The following MAGEB6 variants were observed in gnomAD, a reference collection of about 807,000 sequenced individuals.
MAGEB6 encodes MAGE family member B6.
For synonymous variants in MAGEB6, 128 were observed against 136.2 expected (o/e 0.94, Z 0.42); for missense variants, 327 against 329.7 (o/e 0.99, Z 0.06).
At position 26,193,878 on chromosome X, in the gene MAGEB6, C is replaced by T. The variant is rs767268005; in HGVS notation, c.32C>T (p.Thr11Ile). 2 of 1,183,851 alleles carry T rather than the reference C, an allele frequency of 1.7e-6. No individual in the cohort carries two copies. The highest frequency in any genetic ancestry group is 2.3e-6 in the Non-Finnish European group (2 of 881,080). The part of the protein sequence containing the change: MPRGHKSKLR[T>I]CEKRQETNGQ... Reference sequence around the variant, plus strand: ...CGGGGTCACAAGAGTAAGCTCCGTACCTGTGAGAAACGCCAAGAGACCAAT... The same window carrying T: ...CGGGGTCACAAGAGTAAGCTCCGTATCTGTGAGAAACGCCAAGAGACCAAT... Residue 11 changes from threonine to isoleucine, a missense_variant, in exon 2 of 2, where the codon ACC becomes ATC. By Grantham distance (89) the Thr-to-Ile change is moderately conservative. Transcript: ENST00000379034.
chrX:26,194,386 C>T lies in MAGEB6; in HGVS notation c.540C>T (p.Ala180=). The T allele has an allele frequency of 1.7e-6, 2 of 1,211,883 alleles. No homozygotes were observed. Among genetic ancestry groups the T allele is most frequent in the East Asian group, 3.0e-5 (1 of 33,831 alleles). ...GTGAAGATGAGGAAAGTGTAAGCGC[C>T]TCACAGAAAGCCATCATTTTTAAGC... ...AEGEDEESVS[A]SQKAIIFKRL... Residue 180 remains alanine, a synonymous_variant, in exon 2 of 2, where the codon GCC becomes GCT. Coordinates refer to ENST00000379034, the MANE Select transcript of MAGEB6 (RefSeq NM_173523.2).
At chrX:26,192,977 T>G (rs1309600550) in intron 1 of MAGEB6, among the ~76,000 whole-genome samples, 2 of 110,630 alleles carry the variant, frequency 1.8e-5, no homozygotes, top group African/African-American at 6.6e-5. Flanking sequence ...ATTTCCAGGT[T>G]GTGGGAAGAG....
At position 26,195,575 on chromosome X, in the gene MAGEB6, T is replaced by G. The variant is rs1358571758; in HGVS notation, c.*505T>G. 8.0e-6 allele frequency: 1 copy of G among 125,424 alleles called. No individual in the cohort carries two copies. The highest frequency in any genetic ancestry group is 9.2e-5 in the Admixed American group (1 of 10,885). The allele number at this position is 125,424 out of a possible 1,213,427, so 10.3% of individuals were successfully genotyped here. ...AAACAGAAATGTAAAAGTTGTTTAA[T>G]TCTTGGTTTGCCTAATTCGTTTTCC... On this transcript the variant is annotated 3_prime_UTR_variant, in exon 2 of 2. Coordinates refer to ENST00000379034, the MANE Select transcript of MAGEB6 (RefSeq NM_173523.2).
In MAGEB6 at chrX:26,194,474, T is replaced by G; in HGVS notation, c.628T>G (p.Phe210Val). ...GTTGGCGCAATTCCTGCAGAAGAAGTTTGAGAAGAAAGAGTCCATTTTGAA... is the reference window on the plus strand; with the variant it reads ...GTTGGCGCAATTCCTGCAGAAGAAGGTTGAGAAGAAAGAGTCCATTTTGAA... ...CTLAQFLQKK[F>V]EKKESILKAD... The change falls in exon 2 of 2, where the codon TTT (phenylalanine) becomes GTT (valine). Residue 210 changes from phenylalanine (F) to valine (V), a missense_variant. Phe to Val is a conservative substitution (Grantham distance 50, BLOSUM62 -1). Coordinates refer to ENST00000379034, the MANE Select transcript of MAGEB6 (RefSeq NM_173523.2). 2 of 1,211,731 alleles carry G rather than the reference T, an allele frequency of 1.7e-6. No individual in the cohort carries two copies. The highest frequency in any genetic ancestry group is 2.2e-6 in the Non-Finnish European group (2 of 895,509).
chrX:26,194,579 G>T lies in MAGEB6; in HGVS notation c.733G>T (p.Val245Leu). 1 of 1,211,748 alleles carries T rather than the reference G, an allele frequency of 8.3e-7. No individual in the cohort carries two copies. Among genetic ancestry groups the T allele is most frequent in the Non-Finnish European group, 1.1e-6 (1 of 895,519 alleles). The change falls in exon 2 of 2, where the codon GTG becomes TTG. Residue 245 changes from valine (V) to leucine (L), a missense_variant. Val to Leu is a conservative substitution (Grantham distance 32, BLOSUM62 1). Coordinates refer to ENST00000379034, the MANE Select transcript of MAGEB6 (RefSeq NM_173523.2). ...QILNRTSQHL[V>L]VAFGVELKEM... ...CCTCAACAGAACCTCCCAACATTTG[G>T]TGGTGGCCTTTGGCGTTGAATTGAA... is the stretch of plus-strand genomic sequence containing the variant.
intron 1 of MAGEB6, 36 bp from the exon 2 acceptor site, chrX:26,193,750 G>A: frequency 1.0e-6 from 1 of 989,048 alleles, no homozygotes; most frequent in Non-Finnish European, 1.4e-6. Flanking sequence ...GCTCTCTGCT[G>A]AAGATATTGA....
chrX:26,194,894 A>G lies in MAGEB6; in HGVS notation c.1048A>G (p.Ser350Gly), dbSNP rs764965014. The change falls in exon 2 of 2, where the codon AGT becomes GGT. Residue 350 changes from serine (S) to glycine (G), a missense_variant. Physicochemically the swap from Ser to Gly is moderately conservative, Grantham distance 56 (BLOSUM62 0). Transcript: ENST00000379034. The part of the protein sequence containing the change: ...KYVVYRQVCN[S>G]DPPCYEFLWG... ...CGTGGTTTACCGGCAGGTGTGCAAC[A>G]GTGATCCTCCATGCTATGAGTTCCT... 3.4e-5 allele frequency: 41 copies of G among 1,209,880 alleles called. No homozygotes were observed. The highest frequency in any genetic ancestry group is 4.1e-5 in the Non-Finnish European group (37 of 895,220).
rs1212268215 is a variant in MAGEB6, at chrX:26,194,062, T to G, written c.216T>G (p.Ser72=). Reference sequence around the variant, plus strand: ...CTCAGGGAGTGTCACCCACTGGGTCTCCTGATGCAGTTGTTTCATATTCAA... The same window carrying G: ...CTCAGGGAGTGTCACCCACTGGGTCGCCTGATGCAGTTGTTTCATATTCAA... ...QESQGVSPTG[S]PDAVVSYSKS... Residue 72 remains serine, a synonymous_variant, in exon 2 of 2, where the codon TCT becomes TCG. Transcript: ENST00000379034. 6 of 1,211,613 alleles carry G rather than the reference T, an allele frequency of 5.0e-6. No homozygotes were observed. The South Asian group carries it at 8.8e-5, about 18-fold the overall frequency.
Position 26,193,923 on chromosome X carries a change from C to T in MAGEB6, c.77C>T (p.Thr26Met), listed in dbSNP as rs1726653027. The T allele has an allele frequency of 4.2e-6, 5 of 1,204,273 alleles. No homozygotes were observed. Among genetic ancestry groups the T allele is most frequent in the African/African-American group, 1.8e-5 (1 of 56,794 alleles). ...QETNGQPQGLTGPQATAEKQE... is the reference protein window; with the variant it reads ...QETNGQPQGLMGPQATAEKQE... ...ACCAATGGTCAGCCACAGGGTCTCA[C>T]GGGTCCCCAGGCCACTGCAGAGAAG... Residue 26 changes from threonine (T) to methionine (M), a missense_variant, in exon 2 of 2, where the codon ACG (threonine) becomes ATG (methionine). By Grantham distance (81) the Thr-to-Met change is moderately conservative (BLOSUM62 -1). Coordinates refer to ENST00000379034, the MANE Select transcript of MAGEB6 (RefSeq NM_173523.2).
rs770266030 is a variant in MAGEB6, at chrX:26,193,767, G to A, written c.-61-19G>A. On this transcript the variant is annotated intron_variant, in intron 1 of 1. Transcript: ENST00000379034. Reference sequence around the variant, plus strand: ...TCTCTGCTGAAGATATTGACGTGACGTCACTCTCTCCCATCCAGGTGCCAG... The same window carrying A: ...TCTCTGCTGAAGATATTGACGTGACATCACTCTCTCCCATCCAGGTGCCAG... 439 of 1,051,553 alleles carry A rather than the reference G, an allele frequency of 4.2e-4. No individual in the cohort carries two copies. The highest frequency in any genetic ancestry group is 5.3e-4 in the Non-Finnish European group (415 of 788,163). 86.7% of individuals were successfully genotyped at this position (1,051,553 alleles called of 1,213,427 possible). A position where few individuals can be genotyped will look rare whatever the true frequency, so the allele number is the denominator to read the frequency against.
chrX:26,193,060 G>A (rs1344319620), intron 1 of MAGEB6, among the ~76,000 whole-genome samples: 1 of 111,104 alleles, frequency 9.0e-6, no homozygotes, highest in Non-Finnish European at 1.9e-5. Flanking sequence ...TGCCTCCGCT[G>A]TTGTCAGCCC....
Position 26,192,457 on chromosome X carries a change from C to T in MAGEB6, c.-132C>T, listed in dbSNP as rs1263993044. On this transcript the variant is annotated 5_prime_UTR_variant, in exon 1 of 2. Coordinates refer to ENST00000379034, the MANE Select transcript of MAGEB6 (RefSeq NM_173523.2). ...TTCCACCTAATAAAGGGGTCTGAGC[C>T]GGTCGCCTGAGCCTGAAAAGTGCTG... The T allele has an allele frequency of 1.8e-5, 2 of 110,522 alleles. No individual in the cohort carries two copies. The highest frequency in any genetic ancestry group is 4.0e-4 in the South Asian group (1 of 2,484). The allele number at this position is 110,522 out of a possible 1,213,427, so 9.1% of individuals were successfully genotyped here. A position where few individuals can be genotyped will look rare whatever the true frequency, so the allele number is the denominator to read the frequency against.
rs1402279073 is a variant in MAGEB6 at position 26,195,583 on chromosome X, T to G, written c.*513T>G. On this transcript the variant is annotated 3_prime_UTR_variant, in exon 2 of 2. Transcript: ENST00000379034. The stretch of plus-strand genomic sequence containing the variant: ...ATGTAAAAGTTGTTTAATTCTTGGT[T>G]TGCCTAATTCGTTTTCCTATTTCTT... The G allele has an allele frequency of 8.0e-6, 1 of 125,217 alleles. No homozygotes were observed. The highest frequency in any genetic ancestry group is 1.8e-5 in the Non-Finnish European group (1 of 54,345). 10.3% of individuals were successfully genotyped at this position (125,217 alleles called of 1,213,427 possible).
At position 26,194,767 on chromosome X, in the gene MAGEB6, C is replaced by G. The variant is rs1473161842; in HGVS notation, c.921C>G (p.Val307=). The G allele has an allele frequency of 1.7e-6, 2 of 1,209,410 alleles. No individual in the cohort carries two copies. The highest frequency in any genetic ancestry group is 3.5e-5 in the African/African-American group (2 of 56,883). The change falls in exon 2 of 2, where the codon GTC becomes GTG. Residue 307 remains valine, a synonymous_variant. Coordinates refer to ENST00000379034, the MANE Select transcript of MAGEB6 (RefSeq NM_173523.2). ...GCAACTGTGCCACTGAAGAGGAGGT[C>G]TGGGAGTTCCTGGGTCTGTTGGGGA... ...MNGNCATEEE[V]WEFLGLLGIY... is the part of the protein sequence containing the mutation.
Position 26,194,646 on chromosome X carries a change from A to T in MAGEB6, c.800A>T (p.Lys267Met), listed in dbSNP as rs767531922. ...GGCGAGTCCTACACCCTTGTCAGCAAGCTAGGCCTCCCCAGTGAAGGAATT... is the reference window on the plus strand; with the variant it reads ...GGCGAGTCCTACACCCTTGTCAGCATGCTAGGCCTCCCCAGTGAAGGAATT... The part of the protein sequence containing the change: ...SSGESYTLVS[K>M]LGLPSEGILS... The change falls in exon 2 of 2, where the codon AAG becomes ATG. Residue 267 changes from lysine to methionine, a missense_variant. By Grantham distance (95) the Lys-to-Met change is moderately conservative (BLOSUM62 -1). Transcript: ENST00000379034. 8.3e-7 allele frequency: 1 copy of T among 1,211,542 alleles called. No individual in the cohort carries two copies.
At chrX:26,193,161 T>C (rs1167623518) in intron 1 of MAGEB6, among the ~76,000 whole-genome samples, 2 of 107,935 alleles carry the variant, frequency 1.9e-5, no homozygotes, top group East Asian at 3.0e-4. Context: ...AATTTCAGAG[T>C]GGCACAAGGA....
Position 26,194,627 on chromosome X carries a change from T to A in MAGEB6, c.781T>A (p.Ser261Thr), listed in dbSNP as rs1439767103. 2.5e-6 allele frequency: 3 copies of A among 1,206,452 alleles called. No homozygotes were observed. The highest frequency in any genetic ancestry group is 2.2e-5 in the Admixed American group (1 of 45,381). ...ELKEMDSSGESYTLVSKLGLP... is the reference protein window; with the variant it reads ...ELKEMDSSGETYTLVSKLGLP... The stretch of plus-strand genomic sequence containing the variant: ...GAAAGAAATGGATTCCAGCGGCGAG[T>A]CCTACACCCTTGTCAGCAAGCTAGG... The change falls in exon 2 of 2, where the codon TCC becomes ACC. Residue 261 changes from serine to threonine, a missense_variant. Transcript: ENST00000379034.
chrX:26,194,688 C>T lies in MAGEB6; in HGVS notation c.842C>T (p.Ala281Val), dbSNP rs200287901. The T allele has an allele frequency of 1.3e-4, 155 of 1,209,070 alleles. No individual in the cohort carries two copies. Among genetic ancestry groups the T allele is most frequent in the Non-Finnish European group, 1.6e-4 (147 of 894,986 alleles). ...PSEGILSGDN[A>V]LPKSGLLMSL... Reference sequence around the variant, plus strand: ...GAAGGAATTCTGAGTGGTGATAATGCGCTGCCGAAGTCGGGTCTCCTGATG... The same window carrying T: ...GAAGGAATTCTGAGTGGTGATAATGTGCTGCCGAAGTCGGGTCTCCTGATG... Residue 281 changes from alanine (A) to valine (V), a missense_variant, in exon 2 of 2, where the codon GCG becomes GTG. Physicochemically the swap from Ala to Val is moderately conservative, Grantham distance 64. Coordinates refer to ENST00000379034, the MANE Select transcript of MAGEB6 (RefSeq NM_173523.2).
Position 26,195,128 on chromosome X carries a change from T to A in MAGEB6, c.*58T>A. 1 of 1,141,368 alleles carries A rather than the reference T, an allele frequency of 8.8e-7. No individual in the cohort carries two copies. Among genetic ancestry groups the A allele is most frequent in the East Asian group, 3.0e-5 (1 of 33,352 alleles). 94.1% of individuals were successfully genotyped at this position (1,141,368 alleles called of 1,213,427 possible). A position where few individuals can be genotyped will look rare whatever the true frequency, so the allele number is the denominator to read the frequency against. On this transcript the variant is annotated 3_prime_UTR_variant, in exon 2 of 2. Transcript: ENST00000379034. ...ACCTTATGGGGCCATATCCTACAGA[T>A]CCTCCCATTTCTAGGGAGGTCTGAA...
Sources: gnomAD v4.1 joint callset for allele counts (sites outside exome capture counted in the v4.1 genomes callset) on GRCh38, gnomAD v4.1.1 for gene constraint, MANE v1.5 for transcripts, NCBI Gene and HGNC (gene_info 2026-07-23, HGNC 2026-07-21) for gene names.